BRD9: variants seen among roughly 807,000 people sequenced by gnomAD.
The protein encoded by BRD9 is bromodomain-containing protein 9.
A neutral mutation model predicts 68.7 loss-of-function variants in BRD9; 47 were observed. The ratio of observed to expected loss-of-function variants is 0.68; its 90% CI spans 0.54 to 0.87. The LOEUF is 0.87. BRD9 is among the 40% of genes least tolerant of loss of function. The pLI, the probability that BRD9 is intolerant of heterozygous loss-of-function variation, is 0.00. For missense variants in BRD9, 670 were observed against 748.4 expected (o/e 0.90, Z 1.22); for synonymous variants, 313 against 293.9 (o/e 1.06, Z -0.67).
At chr5:878,265 C>G in intron 11 of BRD9, 90 bp downstream of exon 11, 2 of 1,561,370 alleles carry the variant, frequency 1.3e-6, no homozygotes, top group Non-Finnish European at 1.7e-6. Context: ...GGCTCTCTCC[C>G]CACCCGCACA....
At chr5:871,599 C>A in intron 12 of BRD9, 35 bp from the exon 13 acceptor site, 1 of 1,597,862 alleles carries the variant, frequency 6.3e-7, no homozygotes, top group South Asian at 1.1e-5. Context: ...CTAGTTTTTC[C>A]AGAGTGATTT....
At chr5:888,973 A>G in intron 5 of BRD9, 48 bp downstream of exon 5, 1 of 1,569,516 alleles carries the variant, frequency 6.4e-7, no homozygotes, top group Non-Finnish European at 8.6e-7. Flanking sequence ...CAAGACATGA[A>G]TACACAGAAC....
At chr5:892,272 G>C (rs895064480) in intron 1 of BRD9, 7 of 482,664 alleles carry the variant, frequency 1.5e-5, no homozygotes, top group Non-Finnish European at 7.1e-6. Flanking sequence ...GCAAGGGAGA[G>C]GGAGGGAAAG....
chr5:878,140 T>C (rs907035685), intron 11 of BRD9, among the ~76,000 whole-genome samples: 2 of 152,208 alleles, frequency 1.3e-5, no homozygotes, highest in Non-Finnish European at 2.9e-5. Flanking sequence ...AGCTACGCCC[T>C]GATCACCACC....
intron 7 of BRD9, among the ~76,000 whole-genome samples, chr5:886,169 T>C (rs548626671): frequency 3.3e-5 from 5 of 152,092 alleles, no homozygotes; most frequent in South Asian, 2.1e-4. Flanking sequence ...AGTTCAGGAG[T>C]GTGCATCTGC....
In BRD9 at chr5:865,527, G is replaced by A. The variant is rs1356964265; in HGVS notation, c.1580C>T (p.Thr527Met). The A allele has an allele frequency of 5.6e-6, 9 of 1,606,862 alleles. No homozygotes were observed. Among genetic ancestry groups the A allele is most frequent in the Non-Finnish European group, 6.8e-6 (8 of 1,178,980 alleles). ...PDDSHLNLDE[T>M]TKLLQDLHEA... ...GTGCAGGTCCTGCAGGAGCTTCGTC[G>A]TCTCATCCAAGTTCAAATGGCTGTC... is the stretch of plus-strand genomic sequence containing the variant. The change falls in exon 15 of 16, where the codon ACG becomes ATG. Residue 527 changes from threonine to methionine, a missense_variant. Physicochemically the swap from Thr to Met is moderately conservative, Grantham distance 81. Around this residue, in one of 5 missense-constraint regions of BRD9, gnomAD observed 280 missense variants for 281.5 expected, o/e 0.99. Transcript: ENST00000467963.
chr5:892,734 C>G lies in BRD9; in HGVS notation c.-77G>C. 1.7e-6 allele frequency: 2 copies of G among 1,209,278 alleles called. No homozygotes were observed. Among genetic ancestry groups the G allele is most frequent in the Non-Finnish European group, 2.1e-6 (2 of 962,782 alleles). The allele number at this position is 1,209,278 out of a possible 1,614,324, so 74.9% of individuals were successfully genotyped here. A position where few individuals can be genotyped will look rare whatever the true frequency, so the allele number is the denominator to read the frequency against. On this transcript the variant is annotated 5_prime_UTR_variant, in exon 1 of 16. Coordinates refer to ENST00000467963, the MANE Select transcript of BRD9 (RefSeq NM_023924.5). Reference sequence around the variant, plus strand: ...GTCGGACCTTGGCCGCCACCGCCCCCTGGCCCTGGCTGGCCGCCCGCGCTC... The same window carrying G: ...GTCGGACCTTGGCCGCCACCGCCCCGTGGCCCTGGCTGGCCGCCCGCGCTC...
At chr5:892,278 GA>G (rs1753555874) in intron 1 of BRD9, 1 of 493,388 alleles carries the variant, frequency 2.0e-6, no homozygotes. Flanking sequence ...GAGAGGGAGG[GA>G]AAGGCGGGAG....
chr5:864,392 T>C lies in BRD9; in HGVS notation c.*76A>G. On this transcript the variant is annotated 3_prime_UTR_variant, in exon 16 of 16. Transcript: ENST00000467963. The stretch of plus-strand genomic sequence containing the variant: ...CCAAAGGGGACAGGATCAAAGTCCT[T>C]GTCTGATGACAAAAACTCTACACGT... The C allele has an allele frequency of 2.3e-6, 3 of 1,279,764 alleles. No individual in the cohort carries two copies. The highest frequency in any genetic ancestry group is 1.5e-5 in the African/African-American group (1 of 66,386). 79.3% of individuals were successfully genotyped at this position (1,279,764 alleles called of 1,614,324 possible).
At position 873,358 on chromosome 5, in the gene BRD9, C is replaced by T. The variant is rs1355143026; in HGVS notation, c.1384-1794G>A. Reference sequence around the variant, plus strand: ...TTGTTCTGAATTTCTTCCTGACGGGCCTGGAGGAAGCCACACCCACAAGCC... The same window carrying T: ...TTGTTCTGAATTTCTTCCTGACGGGTCTGGAGGAAGCCACACCCACAAGCC... On this transcript the variant is annotated intron_variant, in intron 12 of 15. Transcript: ENST00000467963. Among the ~76,000 whole-genome samples the T allele has an allele frequency of 3.9e-5, 6 of 152,268 alleles. No individual in the cohort carries two copies. The East Asian group carries it at 1.2e-3, about 29-fold the overall frequency.
In BRD9 at chr5:887,473, TGAAAA is replaced by T. The variant is rs761133725; in HGVS notation, c.607-7_607-3del. ...ATCACACATCAGCTTGAAATCTGCC[TGAAAA>T]GAAAACAGGAAAGACTTATCAGGTT... is the stretch of plus-strand genomic sequence containing the variant. On this transcript the variant is annotated splice_region_variant and splice_polypyrimidine_tract_variant and intron_variant, in intron 5 of 15. Coordinates refer to ENST00000467963, the MANE Select transcript of BRD9 (RefSeq NM_023924.5). 102 of 1,609,630 alleles carry T rather than the reference TGAAAA, an allele frequency of 6.3e-5. No individual in the cohort carries two copies. The highest frequency in any genetic ancestry group is 1.6e-4 in the Middle Eastern group (1 of 6,080).
rs1220576879 is a variant in BRD9 at position 891,736 on chromosome 5, G to A, written c.171C>T (p.Asp57=). 4.5e-6 allele frequency: 7 copies of A among 1,551,476 alleles called. No individual in the cohort carries two copies. Among genetic ancestry groups the A allele is most frequent in the East Asian group, 2.4e-5 (1 of 40,912 alleles). Residue 57 remains aspartate (D), a synonymous_variant, in exon 2 of 16, where the codon GAC becomes GAT. Coordinates refer to ENST00000467963, the MANE Select transcript of BRD9 (RefSeq NM_023924.5). ...HDSSYYDDRS[D]HERERHKEKK... The stretch of plus-strand genomic sequence containing the variant: ...TTTCTTTGTGCCTCTCTCGCTCATG[G>A]TCTGACCTGTCATCATAGTAACTGG...
chr5:883,890 G>A (rs1752166037), intron 8 of BRD9, 48 bp downstream of exon 8: 3 of 1,589,398 alleles, frequency 1.9e-6, no homozygotes, highest in Non-Finnish European at 8.6e-7. Context: ...GGCACACAGA[G>A]AGTCTGGGGC....
At chr5:881,543 G>C in intron 8 of BRD9, 1 of 338,478 alleles carries the variant, frequency 3.0e-6, no homozygotes, top group Non-Finnish European at 5.6e-6. Flanking sequence ...CCTCAAGCAT[G>C]TGTGGACTGG....
chr5:880,333 C>T (rs1408729675), intron 9 of BRD9, among the ~76,000 whole-genome samples: 1 of 138,688 alleles, frequency 7.2e-6, no homozygotes, highest in South Asian at 2.4e-4. Context: ...AGTTCCCAAC[C>T]GCTGCCTCGG....
At position 878,758 on chromosome 5, in the gene BRD9, T is replaced by C. The variant is rs867221077; in HGVS notation, c.1139-271A>G. 2,877 of 486,082 alleles carry C rather than the reference T, an allele frequency of 5.9e-3. 2 individuals carry two copies. Among genetic ancestry groups the C allele is most frequent in the African/African-American group, 0.044 (1,915 of 43,444 alleles). 30.1% of individuals were successfully genotyped at this position (486,082 alleles called of 1,614,324 possible). On this transcript the variant is annotated intron_variant, in intron 10 of 15. Transcript: ENST00000467963. ...GGGTGAGCTCCACAAGCAAAAGAGCTGTGTGGAAACGTGGGCAGAGCGCAC... is the reference window on the plus strand; with the variant it reads ...GGGTGAGCTCCACAAGCAAAAGAGCCGTGTGGAAACGTGGGCAGAGCGCAC...
At chr5:888,740 GC>G (rs1752924928) in intron 5 of BRD9, among the ~76,000 whole-genome samples, 6 of 152,222 alleles carry the variant, frequency 3.9e-5, no homozygotes, top group African/African-American at 1.4e-4. Context: ...ACACCTCACT[GC>G]TTGAAACAAC....
At chr5:876,488 C>T (rs957360913) in intron 11 of BRD9, among the ~76,000 whole-genome samples, 38 of 152,192 alleles carry the variant, frequency 2.5e-4, no homozygotes, top group African/African-American at 9.2e-4. Context: ...ATGTTATCAT[C>T]TGTAAAAGAA....
rs374213563 is a variant in BRD9 at position 876,131 on chromosome 5, G to A, written c.1353C>T (p.Asp451=). ...DDLLDQITGG[D]HSRTLFQLKQ... is the part of the protein sequence containing the mutation. Reference sequence around the variant, plus strand: ...TCAGCTGGAAGAGCGTCCTAGAGTGGTCTCCGCCTGTGATCTGGTCCAGGA... The same window carrying A: ...TCAGCTGGAAGAGCGTCCTAGAGTGATCTCCGCCTGTGATCTGGTCCAGGA... Residue 451 remains aspartate (D), a synonymous_variant, in exon 12 of 16, where the codon GAC becomes GAT. Coordinates refer to ENST00000467963, the MANE Select transcript of BRD9 (RefSeq NM_023924.5). 2.4e-5 allele frequency: 38 copies of A among 1,613,446 alleles called. No homozygotes were observed. The highest frequency in any genetic ancestry group is 3.1e-5 in the Non-Finnish European group (36 of 1,179,892).
Sources: gnomAD v4.1 joint callset for allele counts (sites outside exome capture counted in the v4.1 genomes callset) on GRCh38, gnomAD v4.1.1 for gene constraint, gnomAD v4.1.1 regional missense constraint, MANE v1.5 for transcripts, NCBI Gene and HGNC (gene_info 2026-07-23, HGNC 2026-07-21) for gene names.